SUMF1: variants seen among roughly 807,000 people sequenced by gnomAD.
SUMF1 encodes formylglycine-generating enzyme.
SUMF1 carries 48 observed loss-of-function variants against 47.6 expected under a neutral mutation model. The ratio of observed to expected loss-of-function variants is 1.01; its 90% confidence interval spans 0.80 to 1.28. The LOEUF (loss-of-function observed/expected upper bound fraction) is 1.28, where lower values mean the gene tolerates loss of function less well. SUMF1 is among the 50% of genes most tolerant of loss of function. SUMF1 has a pLI of 0.00. For synonymous variants in SUMF1, 230 were observed against 192.1 expected, an observed-to-expected ratio of 1.20 and a Z score of -1.63; for missense variants, 571 against 485.4, an observed-to-expected ratio of 1.18 and a Z score of -1.66.
chr3:4,264,871 C>T (rs773204195), intron 8 of SUMF1, among the ~76,000 whole-genome samples: 12 of 152,156 alleles, frequency 7.9e-5, no homozygotes, highest in South Asian at 6.2e-4. Flanking sequence ...CAGTGGCTCA[C>T]GCCTGTAATC....
chr3:4,442,279 G>A (rs1702619311), intron 3 of SUMF1, among the ~76,000 whole-genome samples: 1 of 145,958 alleles, frequency 6.9e-6, no homozygotes, highest in Non-Finnish European at 1.5e-5. Context: ...TTTTTGAGAC[G>A]GAGTCTCGCT....
chr3:4,231,903 T>C (rs1696307282), intron 8 of SUMF1, among the ~76,000 whole-genome samples: 1 of 152,140 alleles, frequency 6.6e-6, no homozygotes, highest in Admixed American at 6.6e-5. Context: ...TACAGATAAA[T>C]TCATTACATG....
chr3:4,134,213 T>C (rs1228144311), intron 8 of SUMF1, among the ~76,000 whole-genome samples: 1 of 152,120 alleles, frequency 6.6e-6, no homozygotes, highest in Non-Finnish European at 1.5e-5. Context: ...ACCACATAGT[T>C]GGAAGTAAAA....
At chr3:4,350,839 T>C (rs1699484843) in intron 8 of SUMF1, among the ~76,000 whole-genome samples, 1 of 152,028 alleles carries the variant, frequency 6.6e-6, no homozygotes, top group South Asian at 2.1e-4. Flanking sequence ...GAATAAAATT[T>C]TGCACCCCCT....
chr3:4,275,462 G>C (rs896410146), intron 8 of SUMF1, among the ~76,000 whole-genome samples: 2 of 152,000 alleles, frequency 1.3e-5, no homozygotes, highest in African/African-American at 4.8e-5. Context: ...GGTCTCTTCT[G>C]GTGCATTCTT....
chr3:4,236,786 G>A (rs1168023854), intron 8 of SUMF1, among the ~76,000 whole-genome samples: 2 of 151,942 alleles, frequency 1.3e-5, no homozygotes, highest in African/African-American at 4.8e-5. Flanking sequence ...TTATATTAAG[G>A]TTCACCCTTA....
At position 4,426,899 on chromosome 3, in the gene SUMF1, A is replaced by G. The variant is rs60594342; in HGVS notation, c.520-6753T>C. Among the ~76,000 whole-genome samples, 422 of 152,362 alleles carry G rather than the reference A, an allele frequency of 2.8e-3. 2 individuals are homozygous for G. Among genetic ancestry groups the G allele is most frequent in the African/African-American group, 9.8e-3 (408 of 41,584 alleles). ...TAGCAACTGTCTAGGGTTTAAGTTG[A>G]AACAGCTGTATGAGCCAGCCAGTGA... On this transcript the variant is annotated intron_variant, in intron 3 of 8. Transcript: ENST00000272902.
chr3:4,115,174 T>A (rs1296217037), intron 8 of SUMF1, among the ~76,000 whole-genome samples: 1 of 152,034 alleles, frequency 6.6e-6, no homozygotes, highest in African/African-American at 2.4e-5. Context: ...ACCAGTGGAC[T>A]CTGGCAGGCC....
intron 7 of SUMF1, among the ~76,000 whole-genome samples, chr3:4,398,223 A>G (rs1350381394): frequency 1.3e-5 from 2 of 152,140 alleles, no homozygotes; most frequent in African/African-American, 4.8e-5. Flanking sequence ...TAACATCTGC[A>G]AGCTCCTTAA....
Position 4,217,502 on chromosome 3 carries a change from T to G in SUMF1, c.1015-148757A>C, listed in dbSNP as rs1416830909. 3.2e-4 allele frequency among the ~76,000 whole-genome samples: 26 copies of G among 81,186 alleles called. 4 individuals are homozygous for G. The Admixed American group carries it at 3.6e-3, about 11-fold the overall frequency. The allele number at this position is 81,186 out of a possible 152,430, so 53.3% of individuals were successfully genotyped here. ...ACGTTGTACACATGTATCCCAGAACTTAAAGTATTTTTTATATATATATAT... is the reference window on the plus strand; with the variant it reads ...ACGTTGTACACATGTATCCCAGAACGTAAAGTATTTTTTATATATATATAT... On this transcript the variant is annotated intron_variant and NMD_transcript_variant, in intron 8 of 12. Transcript: ENST00000448413.
intron 8 of SUMF1, among the ~76,000 whole-genome samples, chr3:4,373,470 A>T (rs2125212334): frequency 6.6e-6 from 1 of 151,858 alleles, no homozygotes. Context: ...AAAGAAAAAA[A>T]AAATGGGCAT....
intron 8 of SUMF1, among the ~76,000 whole-genome samples, chr3:4,109,899 T>A (rs772946435): frequency 2.6e-4 from 40 of 152,062 alleles, no homozygotes; most frequent in Non-Finnish European, 4.9e-4. Context: ...AGTAGTTTGA[T>A]TGTCTGAAGC....
chr3:4,377,058 C>T (rs543947720), intron 7 of SUMF1, among the ~76,000 whole-genome samples: 21 of 152,256 alleles, frequency 1.4e-4, no homozygotes, highest in African/African-American at 5.1e-4. Flanking sequence ...ACCTCAGCCT[C>T]CCAAAGTGCT....
At chr3:4,192,441 TATA>T (rs201218126) in intron 8 of SUMF1, among the ~76,000 whole-genome samples, 4,279 of 152,128 alleles carry the variant, frequency 0.028, 84 homozygotes, top group African/African-American at 0.05. Flanking sequence ...AGTATAAACA[TATA>T]ATGTTTATAT....
intron 9 of SUMF1, among the ~76,000 whole-genome samples, chr3:4,046,543 T>C (rs888360622): frequency 6.6e-6 from 1 of 152,136 alleles, no homozygotes; most frequent in Non-Finnish European, 1.5e-5. Context: ...TAAATGTCAC[T>C]AGCACATATC....
At chr3:4,291,107 G>A (rs1697733348) in intron 8 of SUMF1, among the ~76,000 whole-genome samples, 1 of 152,152 alleles carries the variant, frequency 6.6e-6, no homozygotes, top group Admixed American at 6.5e-5. Context: ...CACATAGTAT[G>A]TGTCCGCCAA....
intron 8 of SUMF1, among the ~76,000 whole-genome samples, chr3:4,345,383 CA>C (rs1473424788): frequency 6.6e-6 from 1 of 152,180 alleles, no homozygotes; most frequent in Admixed American, 6.5e-5. Flanking sequence ...CAATATTCAA[CA>C]TTCTTAAAGA....
intron 8 of SUMF1, chr3:4,317,139 C>G: frequency 1.9e-6 from 3 of 1,547,054 alleles, no homozygotes; most frequent in Non-Finnish European, 2.6e-6. Context: ...AAATGCTTTC[C>G]AAGAGTTCGT....
chr3:4,101,916 A>G (rs1369076806), intron 8 of SUMF1, among the ~76,000 whole-genome samples: 2 of 152,182 alleles, frequency 1.3e-5, no homozygotes, highest in African/African-American at 4.8e-5. Context: ...GGGAAGCCTC[A>G]GGAAACTTAC....
Sources: allele counts gnomAD v4.1 joint callset (sites outside exome capture counted in the v4.1 genomes callset), GRCh38; gene constraint gnomAD v4.1.1; transcripts MANE v1.5; gene names NCBI Gene and HGNC (gene_info 2026-07-23, HGNC 2026-07-21).